FMN1: variants seen among roughly 807,000 people sequenced by gnomAD.
The protein encoded by FMN1 is formin-1.
In FMN1, 110 loss-of-function variants were observed where a neutral mutation model predicts 132.4. The ratio of observed to expected loss-of-function variants is 0.83; its 90% CI spans 0.71 to 0.97. FMN1 has a LOEUF of 0.97. Ranked by LOEUF, FMN1 falls within the 50% of genes least tolerant of loss-of-function variation. The probability of loss-of-function intolerance (pLI) is 0.00; values close to 1 mark genes in which losing one functional copy is unlikely to be tolerated. For missense variants in FMN1, 1,792 were observed against 1,705.3 expected (o/e 1.05, Z -0.90); for synonymous variants, 722 against 651.7 (o/e 1.11, Z -1.64).
chr15:33,109,071 ACCTATTTCTTCTCC>A (rs879931985), intron 4 of FMN1, among the ~76,000 whole-genome samples: 338 of 152,228 alleles, frequency 2.2e-3, no homozygotes, highest in Non-Finnish European at 3.9e-3. Context: ...ACCATTTATA[ACCTATTTCTTCTCC>A]CAAAAGCAAG....
intron 5 of FMN1, among the ~76,000 whole-genome samples, chr15:33,082,187 C>G (rs554833718): frequency 6.6e-6 from 1 of 151,920 alleles, no homozygotes; most frequent in East Asian, 1.9e-4. Flanking sequence ...ATTCTTCTGC[C>G]TCAGCCTCCC....
At chr15:33,099,284 C>A (rs1481530546) in intron 4 of FMN1, among the ~76,000 whole-genome samples, 1 of 152,188 alleles carries the variant, frequency 6.6e-6, no homozygotes, top group Non-Finnish European at 1.5e-5. Flanking sequence ...GACTGAGACC[C>A]TGTCTCAAAT....
At position 32,969,448 on chromosome 15, in the gene FMN1, G is replaced by C. The variant is rs2031588754; in HGVS notation, c.2253C>G (p.Ile751Met). The C allele has an allele frequency of 6.2e-7, 1 of 1,613,750 alleles. No individual in the cohort carries two copies. The highest frequency in any genetic ancestry group is 1.1e-5 in the South Asian group (1 of 91,080). ...CTGTTATCATTGCATGCTCGCCCCG[G>C]ATATGAAATGCCCGAAGTTCAAACT... is the stretch of plus-strand genomic sequence containing the variant. ...QAQFELRAFHIRGEHAMITAR... is the reference protein window; with the variant it reads ...QAQFELRAFHMRGEHAMITAR... The change falls in exon 8 of 21, where the codon ATC becomes ATG. Residue 751 changes from isoleucine to methionine, a missense_variant. This residue lies in a region of FMN1 where 1,150 missense variants were observed against 1,043.1 expected (regional missense o/e 1.10). Transcript: ENST00000616417.
chr15:32,963,435 T>G (rs1263199555), intron 9 of FMN1, among the ~76,000 whole-genome samples: 2 of 151,954 alleles, frequency 1.3e-5, no homozygotes, highest in African/African-American at 4.8e-5. Flanking sequence ...GCATGGCACA[T>G]GTATACATAT....
intron 9 of FMN1, among the ~76,000 whole-genome samples, chr15:32,933,216 T>C (rs2061166798): frequency 6.6e-6 from 1 of 152,198 alleles, no homozygotes; most frequent in African/African-American, 2.4e-5. Context: ...AATTTCCCTT[T>C]TGGTTTCTTC....
At position 32,966,103 on chromosome 15, in the gene FMN1, C is replaced by T. The variant is rs193292491; in HGVS notation, c.2988-1846G>A. 2.0e-5 allele frequency among the ~76,000 whole-genome samples: 3 copies of T among 152,178 alleles called. No homozygotes were observed. In the East Asian group the frequency reaches 5.8e-4, roughly 30 times the overall value. ...AAGGTTCTGGGCAGCTAAGGGGTGA[C>T]GTCTAGAGTGAAGTGATGCAGAGTG... On this transcript the variant is annotated intron_variant, in intron 8 of 20. Transcript: ENST00000616417.
chr15:32,907,380 C>T (rs562684035), intron 12 of FMN1, among the ~76,000 whole-genome samples: 4 of 152,148 alleles, frequency 2.6e-5, no homozygotes, highest in East Asian at 1.9e-4. Flanking sequence ...CGCTCACATG[C>T]GCAGTTCACA....
chr15:32,933,559 G>A (rs1006952823), intron 9 of FMN1, among the ~76,000 whole-genome samples: 2 of 152,058 alleles, frequency 1.3e-5, no homozygotes, highest in East Asian at 3.9e-4. Flanking sequence ...TTTATCAAAA[G>A]TGGGTTATTG....
In FMN1 at chr15:32,890,001, A is replaced by G. The variant is rs147784162; in HGVS notation, c.3715-1709T>C. ...TGCATCCTCATAGCTTAGCTACCAC[A>G]TATCAGTGAGAACATACGATGTTTG... is the stretch of plus-strand genomic sequence containing the variant. On this transcript the variant is annotated intron_variant, in intron 15 of 20. Transcript: ENST00000616417. 2.5e-3 allele frequency among the ~76,000 whole-genome samples: 387 copies of G among 152,276 alleles called. 2 individuals are homozygous for G. The highest frequency in any genetic ancestry group is 8.9e-3 in the African/African-American group (371 of 41,560).
At chr15:33,067,126 A>G (rs1250053112) in intron 5 of FMN1, 6 of 1,613,840 alleles carry the variant, frequency 3.7e-6, no homozygotes, top group Non-Finnish European at 5.1e-6. Flanking sequence ...CAGTGATACC[A>G]ACACTCGAAT....
intron 6 of FMN1, among the ~76,000 whole-genome samples, chr15:33,036,208 A>T (rs1333633824): frequency 6.6e-6 from 1 of 152,204 alleles, no homozygotes; most frequent in Non-Finnish European, 1.5e-5. Context: ...CCTTAAGGGC[A>T]GAACCGTTTT....
intron 6 of FMN1, among the ~76,000 whole-genome samples, chr15:33,062,387 C>A (rs1234420363): frequency 6.6e-6 from 1 of 151,988 alleles, no homozygotes; most frequent in Non-Finnish European, 1.5e-5. Context: ...TTTGGGAGGT[C>A]GAGGCGGGGG....
chr15:32,907,815 T>TA (rs915568154), intron 12 of FMN1, among the ~76,000 whole-genome samples: 1 of 150,854 alleles, frequency 6.6e-6, no homozygotes, highest in African/African-American at 2.4e-5. Flanking sequence ...CACAGAGTCC[T>TA]AAGCCCTGGA....
At chr15:33,188,454 T>A (rs1965964770) in intron 2 of FMN1, among the ~76,000 whole-genome samples, 1 of 152,198 alleles carries the variant, frequency 6.6e-6, no homozygotes, top group Non-Finnish European at 1.5e-5. Context: ...AGTCTTAGAC[T>A]ATATCTCCCT....
At chr15:32,866,142 G>A (rs2059387324) in intron 16 of FMN1, among the ~76,000 whole-genome samples, 1 of 151,092 alleles carries the variant, frequency 6.6e-6, no homozygotes, top group Non-Finnish European at 1.5e-5. Flanking sequence ...ACGAGTTAAT[G>A]GGTACAGCAC....
At chr15:33,085,107 T>C (rs1251643574) in intron 5 of FMN1, among the ~76,000 whole-genome samples, 1 of 152,200 alleles carries the variant, frequency 6.6e-6, no homozygotes, top group African/African-American at 2.4e-5. Context: ...TTTCTTCTTT[T>C]TTTACTTTTT....
At chr15:32,927,156 ATATAT>A (rs1883352438) in intron 9 of FMN1, among the ~76,000 whole-genome samples, 1 of 152,196 alleles carries the variant, frequency 6.6e-6, no homozygotes, top group South Asian at 2.1e-4. Flanking sequence ...AGTTCTTGAC[ATATAT>A]TTATTTAAAG....
intron 15 of FMN1, among the ~76,000 whole-genome samples, chr15:32,893,773 A>G (rs745356314): frequency 3.9e-5 from 6 of 152,220 alleles, no homozygotes; most frequent in African/African-American, 1.4e-4. Flanking sequence ...AACTGTTCTC[A>G]TTGTAAGATT....
At chr15:33,118,076 G>A (rs1441229728) in intron 4 of FMN1, among the ~76,000 whole-genome samples, 1 of 152,152 alleles carries the variant, frequency 6.6e-6, no homozygotes, top group African/African-American at 2.4e-5. Flanking sequence ...TCCACAAGAA[G>A]AAATCACATG....
Sources: allele counts gnomAD v4.1 joint callset (sites outside exome capture counted in the v4.1 genomes callset), GRCh38; gene constraint gnomAD v4.1.1; regional missense constraint gnomAD v4.1.1; transcripts MANE v1.5; gene names NCBI Gene and HGNC (gene_info 2026-07-23, HGNC 2026-07-21).